PRR29: variants seen among roughly 807,000 people sequenced by gnomAD.
PRR29 encodes the protein proline-rich protein 29.
In PRR29, 20 loss-of-function variants were observed where a neutral mutation model predicts 25.1. That is an observed-to-expected ratio of 0.80 (90% confidence interval 0.56 to 1.16). The LOEUF is 1.16. Ranked by LOEUF, PRR29 falls within the 50% of genes most tolerant of loss-of-function variation. PRR29 has a pLI of 0.00. For synonymous variants in PRR29, 108 were observed against 102.6 expected, an observed-to-expected ratio of 1.05 and a Z score of -0.32; for missense variants, 238 against 246.6, an observed-to-expected ratio of 0.97 and a Z score of 0.23.
In PRR29 at chr17:64,002,895, A is replaced by C. The variant is rs767395004; in HGVS notation, c.*1134A>C. ...CAGCAACACCGACACCACCGTGACT[A>C]TGATGACCATCTGGCTGTCCGACAC... On this transcript the variant is annotated 3_prime_UTR_variant, in exon 6 of 6. Transcript: ENST00000412177. 6.2e-7 allele frequency: 1 copy of C among 1,613,828 alleles called. No individual in the cohort carries two copies. The highest frequency in any genetic ancestry group is 1.1e-5 in the South Asian group (1 of 91,052).
chr17:64,000,381 G>A (rs1910562142), intron 3 of PRR29, among the ~76,000 whole-genome samples: 1 of 152,044 alleles, frequency 6.6e-6, no homozygotes, highest in Non-Finnish European at 1.5e-5. Flanking sequence ...CTAGGCTGGA[G>A]TATAGTGATG....
rs926197957 is a variant in PRR29 at position 64,003,763 on chromosome 17, C to T, written c.*2002C>T. 3.1e-6 allele frequency: 5 copies of T among 1,614,128 alleles called. No homozygotes were observed. In the African/African-American group the frequency reaches 5.3e-5, roughly 17 times the overall value. On this transcript the variant is annotated 3_prime_UTR_variant, in exon 6 of 6. Transcript: ENST00000412177. ...GTGGCCATCCTCTCTGTCAGCCGTG[C>T]TGTTGAATGTGGCTGTGGCCTCCTG...
At position 64,002,433 on chromosome 17, in the gene PRR29, T is replaced by C; in HGVS notation, c.*672T>C. 1 of 429,650 alleles carries C rather than the reference T, an allele frequency of 2.3e-6. No individual in the cohort carries two copies. The allele number at this position is 429,650 out of a possible 1,614,324, so 26.6% of individuals were successfully genotyped here. On this transcript the variant is annotated 3_prime_UTR_variant, in exon 6 of 6. Transcript: ENST00000412177. ...GTGTGTTTCCCCCACCCTCCCTCAG[T>C]AGCAATGAGCTACTCGGGCCAGATG... is the stretch of plus-strand genomic sequence containing the variant.
At position 64,003,961 on chromosome 17, in the gene PRR29, G is replaced by A. The variant is rs754354153; in HGVS notation, c.*2200G>A. 2 of 1,608,548 alleles carry A rather than the reference G, an allele frequency of 1.2e-6. No individual in the cohort carries two copies. Among genetic ancestry groups the A allele is most frequent in the Non-Finnish European group, 1.7e-6 (2 of 1,177,542 alleles). On this transcript the variant is annotated 3_prime_UTR_variant, in exon 6 of 6. Transcript: ENST00000412177. Reference sequence around the variant, plus strand: ...CAGTGTCAGGATGACCTGCCTTGGAGGCTCTGCAGGGGACAAAGGAGGGAG... The same window carrying A: ...CAGTGTCAGGATGACCTGCCTTGGAAGCTCTGCAGGGGACAAAGGAGGGAG...
Position 64,001,779 on chromosome 17 carries a change from G to A in PRR29, c.*18G>A, listed in dbSNP as rs1173020462. ...TCCTATGAGGACAGACCCCGGCCCT[G>A]GGAACTGCACCAGCTTCCTGCTCTG... On this transcript the variant is annotated 3_prime_UTR_variant, in exon 6 of 6. Coordinates refer to ENST00000412177, the MANE Select transcript of PRR29 (RefSeq NM_001164257.2). The A allele has an allele frequency of 2.0e-6, 3 of 1,536,972 alleles. No homozygotes were observed. Among genetic ancestry groups the A allele is most frequent in the African/African-American group, 2.7e-5 (2 of 72,990 alleles).
Position 64,001,464 on chromosome 17 carries a change from C to T in PRR29, c.471-3C>T. On this transcript the variant is annotated splice_polypyrimidine_tract_variant and splice_region_variant and intron_variant, in intron 4 of 5. Transcript: ENST00000412177. ...GGGGGTCTTTTTCTTTCCCCCATCT[C>T]AGGAGAGCTGTGCCCCCACCCCCAC... 6.7e-7 allele frequency: 1 copy of T among 1,495,940 alleles called. No individual in the cohort carries two copies. Among genetic ancestry groups the T allele is most frequent in the Non-Finnish European group, 8.9e-7 (1 of 1,127,732 alleles). The allele number at this position is 1,495,940 out of a possible 1,614,324, so 92.7% of individuals were successfully genotyped here.
chr17:63,999,818 GGTGTGCGTGCACGT>G (rs1364799546), intron 3 of PRR29: 3 of 154,506 alleles, frequency 1.9e-5, no homozygotes, highest in Non-Finnish European at 4.3e-5. Context: ...CGTGTGCAAG[GGTGTGCGTGCACGT>G]GTGTGCGAGC....
At chr17:63,998,686 T>C (rs1185602036) in intron 1 of PRR29, 21 bp from the exon 2 acceptor site, 2 of 1,451,208 alleles carry the variant, frequency 1.4e-6, no homozygotes, top group Non-Finnish European at 1.9e-6. Flanking sequence ...CCCACCTGGC[T>C]GACTCCGCGC....
At position 63,998,796 on chromosome 17, in the gene PRR29, G is replaced by GGGGGCC; in HGVS notation, c.136+14_136+15insGGGGCC. Reference sequence around the variant, plus strand: ...GCGTGAAGGAAGGTGAGACTCCCGGGTCCCCCCACCCCACCCCCACCATCA... The same window carrying GGGGGCC: ...GCGTGAAGGAAGGTGAGACTCCCGGGGGGGCCTCCCCCCACCCCACCCCCACCATCA... On this transcript the variant is annotated intron_variant, in intron 2 of 5. Coordinates refer to ENST00000412177, the MANE Select transcript of PRR29 (RefSeq NM_001164257.2). 1.5e-6 allele frequency: 2 copies of GGGGGCC among 1,345,602 alleles called. No individual in the cohort carries two copies. Among genetic ancestry groups the GGGGGCC allele is most frequent in the Non-Finnish European group, 2.0e-6 (2 of 975,978 alleles). The allele number at this position is 1,345,602 out of a possible 1,614,324, so 83.4% of individuals were successfully genotyped here.
Position 63,998,998 on chromosome 17 carries a change from C to T in PRR29, c.167C>T (p.Ala56Val), listed in dbSNP as rs1567838636. The change falls in exon 3 of 6, where the codon GCG becomes GTG. Residue 56 changes from alanine to valine, a missense_variant. By Grantham distance (64) the Ala-to-Val change is moderately conservative. Transcript: ENST00000412177. ...CTGGAACTGATGATGCTGCAGAACGCGCAGATGCACCAGCTGCTGCTGAGT... is the reference window on the plus strand; with the variant it reads ...CTGGAACTGATGATGCTGCAGAACGTGCAGATGCACCAGCTGCTGCTGAGT... Reference protein sequence around the residue: ...DLLELMMLQNAQMHQLLLSRL... With the variant: ...DLLELMMLQNVQMHQLLLSRL... 1.3e-6 allele frequency: 2 copies of T among 1,536,240 alleles called. No individual in the cohort carries two copies. Among genetic ancestry groups the T allele is most frequent in the South Asian group, 2.4e-5 (2 of 84,062 alleles).
intron 3 of PRR29, among the ~76,000 whole-genome samples, chr17:64,000,522 G>A (rs144816563): frequency 3.2e-3 from 484 of 151,632 alleles, no homozygotes; most frequent in African/African-American, 0.011. Context: ...GTAGAGACGG[G>A]GTTTCACTAT....
At chr17:63,999,217 ATC>A (rs775893112) in intron 3 of PRR29, 143 bp downstream of exon 3, 514 of 673,460 alleles carry the variant, frequency 7.6e-4, no homozygotes, top group Non-Finnish European at 1.1e-3. Flanking sequence ...GCTGTTTGGC[ATC>A]TGTCATGTTT....
At position 64,002,986 on chromosome 17, in the gene PRR29, A is replaced by C. The variant is rs1910902136; in HGVS notation, c.*1225A>C. 1.3e-6 allele frequency: 2 copies of C among 1,507,678 alleles called. No individual in the cohort carries two copies. Among genetic ancestry groups the C allele is most frequent in the African/African-American group, 2.8e-5 (2 of 72,678 alleles). The allele number at this position is 1,507,678 out of a possible 1,614,324, so 93.4% of individuals were successfully genotyped here. A position where few individuals can be genotyped will look rare whatever the true frequency, so the allele number is the denominator to read the frequency against. On this transcript the variant is annotated 3_prime_UTR_variant, in exon 6 of 6. Coordinates refer to ENST00000412177, the MANE Select transcript of PRR29 (RefSeq NM_001164257.2). The stretch of plus-strand genomic sequence containing the variant: ...GTGATCCCAGTTACCAGGGACCAAA[A>C]GGGAGTGGAAGTCCACCCCCAACCC...
At chr17:63,998,806 CCCACCCCCACCATCA>C in intron 2 of PRR29, 24 bp downstream of exon 2, 1 of 1,157,422 alleles carries the variant, frequency 8.6e-7, no homozygotes, top group Non-Finnish European at 1.2e-6. Flanking sequence ...GTCCCCCCAC[CCCACCCCCACCATCA>C]CCACCACTCA....
Position 64,003,588 on chromosome 17 carries a change from CCGAGGGGCTGAAAG to C in PRR29, c.*1828_*1841del. On this transcript the variant is annotated 3_prime_UTR_variant, in exon 6 of 6. Transcript: ENST00000412177. ...AGTGGGACTCAAGATTTTTCTTCCC[CCGAGGGGCTGAAAG>C]TGACTTATCACTCCCAACTCCATCC... 1 of 1,529,012 alleles carries C rather than the reference CCGAGGGGCTGAAAG, an allele frequency of 6.5e-7. No individual in the cohort carries two copies. The highest frequency in any genetic ancestry group is 8.9e-7 in the Non-Finnish European group (1 of 1,121,458). 94.7% of individuals were successfully genotyped at this position (1,529,012 alleles called of 1,614,324 possible).
chr17:64,003,087 T>C lies in PRR29; in HGVS notation c.*1326T>C. 1.7e-6 allele frequency: 1 copy of C among 603,688 alleles called. No individual in the cohort carries two copies. 37.4% of individuals were successfully genotyped at this position (603,688 alleles called of 1,614,324 possible). A position where few individuals can be genotyped will look rare whatever the true frequency, so the allele number is the denominator to read the frequency against. ...GCAGAGATGAGTGGTGAATGGTGTC[T>C]GCATTAAAATTATTATCTGGAAAAA... On this transcript the variant is annotated 3_prime_UTR_variant, in exon 6 of 6. Transcript: ENST00000412177.
In PRR29 at chr17:64,001,744, G is replaced by A. The variant is rs1210486821; in HGVS notation, c.553G>A (p.Ala185Thr). 1 of 1,537,054 alleles carries A rather than the reference G, an allele frequency of 6.5e-7. No homozygotes were observed. Among genetic ancestry groups the A allele is most frequent in the South Asian group, 1.2e-5 (1 of 84,050 alleles). The change falls in exon 6 of 6, where the codon GCC becomes ACC. Residue 185 changes from alanine (A) to threonine (T), a missense_variant. Ala to Thr is a moderately conservative substitution (Grantham distance 58, BLOSUM62 0). Coordinates refer to ENST00000412177, the MANE Select transcript of PRR29 (RefSeq NM_001164257.2). ...TCTTGTTTCCCCAGACTACTATGAT[G>A]CCGAGAGCCTCCTATGAGGACAGAC... ...DVPPASDYYD[A>T]ESLL
chr17:63,998,553 A>C, intron 1 of PRR29, 129 bp downstream of exon 1: 1 of 1,202,534 alleles, frequency 8.3e-7, no homozygotes, highest in Non-Finnish European at 1.1e-6. Flanking sequence ...CGAGAGGAAG[A>C]GGCGTGGCAG....
chr17:63,998,797 T>TGGCCCCCCCC lies in PRR29; in HGVS notation c.136+15_136+16insGGCCCCCCCC. 1.9e-6 allele frequency: 2 copies of TGGCCCCCCCC among 1,062,604 alleles called. No homozygotes were observed. The highest frequency in any genetic ancestry group is 2.6e-6 in the Non-Finnish European group (2 of 761,702). The allele number at this position is 1,062,604 out of a possible 1,614,324, so 65.8% of individuals were successfully genotyped here. A position where few individuals can be genotyped will look rare whatever the true frequency, so the allele number is the denominator to read the frequency against. On this transcript the variant is annotated intron_variant, in intron 2 of 5. Transcript: ENST00000412177. Reference sequence around the variant, plus strand: ...CGTGAAGGAAGGTGAGACTCCCGGGTCCCCCCACCCCACCCCCACCATCAC... The same window carrying TGGCCCCCCCC: ...CGTGAAGGAAGGTGAGACTCCCGGGTGGCCCCCCCCCCCCCCACCCCACCCCCACCATCAC...
Sources: gnomAD v4.1 joint callset for allele counts (sites outside exome capture counted in the v4.1 genomes callset) on GRCh38, gnomAD v4.1.1 for gene constraint, MANE v1.5 for transcripts, NCBI Gene and HGNC (gene_info 2026-07-23, HGNC 2026-07-21) for gene names.